ANPEP: variants seen among roughly 807,000 people sequenced by gnomAD.
ANPEP encodes the protein alanyl aminopeptidase, membrane.
Under a neutral mutation model 114.6 loss-of-function variants are expected in ANPEP, and 70 were observed. The observed-to-expected ratio is 0.61, with a 90% CI of 0.50 to 0.75. The LOEUF (loss-of-function observed/expected upper bound fraction) is 0.75, where lower values mean the gene tolerates loss of function less well. Among genes scored for constraint, ANPEP ranks in the 30% least tolerant of loss-of-function variants. The pLI is 0.00. For synonymous variants in ANPEP, 548 were observed against 522.3 expected, an observed-to-expected ratio of 1.05 and a Z score of -0.67; for missense variants, 1,184 against 1,259.5, an observed-to-expected ratio of 0.94 and a Z score of 0.91.
chr15:89,785,324 G>A lies in ANPEP; in HGVS notation c.*25C>T. Reference sequence around the variant, plus strand: ...ACACATGTGGGCACCTTGCATGGGGGCCGGGTGACTTCAAGGGCTGGGGAC... The same window carrying A: ...ACACATGTGGGCACCTTGCATGGGGACCGGGTGACTTCAAGGGCTGGGGAC... On this transcript the variant is annotated 3_prime_UTR_variant, in exon 21 of 21. Coordinates refer to ENST00000300060, the MANE Select transcript of ANPEP (RefSeq NM_001150.3). The A allele has an allele frequency of 6.2e-7, 1 of 1,613,862 alleles. No individual in the cohort carries two copies.
chr15:89,795,227 C>A (rs1216903262), intron 15 of ANPEP, among the ~76,000 whole-genome samples: 1 of 151,654 alleles, frequency 6.6e-6, no homozygotes, highest in Non-Finnish European at 1.5e-5. Context: ...GAAATGAAAA[C>A]AATTTCTAGG....
chr15:89,798,445 T>G (rs1968770653), intron 14 of ANPEP, among the ~76,000 whole-genome samples: 2 of 152,122 alleles, frequency 1.3e-5, no homozygotes, highest in Admixed American at 6.5e-5. Flanking sequence ...GAGACCAGCC[T>G]GGTCAACATG....
chr15:89,804,457 T>C (rs375272333), intron 5 of ANPEP, 34 bp downstream of exon 5: 2 of 1,614,076 alleles, frequency 1.2e-6, no homozygotes, highest in Non-Finnish European at 1.7e-6. Context: ...TGGAGCTCCA[T>C]CCACTGCCTC....
chr15:89,804,689 G>A (rs41276920), intron 4 of ANPEP, 72 bp from the exon 5 acceptor site: 116,740 of 1,569,160 alleles, frequency 0.074, 4,854 homozygotes, highest in Non-Finnish European at 0.084. Context: ...GGGTCCCAGG[G>A]CCCAGTGGGC....
At chr15:89,804,457 T>A in intron 5 of ANPEP, 34 bp downstream of exon 5, 1 of 1,614,076 alleles carries the variant, frequency 6.2e-7, no homozygotes, top group Middle Eastern at 1.6e-4. Flanking sequence ...TGGAGCTCCA[T>A]CCACTGCCTC....
At position 89,792,278 on chromosome 15, in the gene ANPEP, C is replaced by T. The variant is rs1234954065; in HGVS notation, c.2410G>A (p.Gly804Ser). 2 of 1,614,138 alleles carry T rather than the reference C, an allele frequency of 1.2e-6. No individual in the cohort carries two copies. Among genetic ancestry groups the T allele is most frequent in the Non-Finnish European group, 1.7e-6 (2 of 1,180,060 alleles). Residue 804 changes from glycine to serine, a missense_variant, in exon 18 of 21, where the codon GGC (glycine) becomes AGC (serine). Coordinates refer to ENST00000300060, the MANE Select transcript of ANPEP (RefSeq NM_001150.3). ...STVYCNAIAQ[G>S]GEEEWDFAWE... Reference sequence around the variant, plus strand: ...GCGAAGTCCCACTCCTCCTCCCCGCCCTGGGCGATAGCGTTGCAGTAGACG... The same window carrying T: ...GCGAAGTCCCACTCCTCCTCCCCGCTCTGGGCGATAGCGTTGCAGTAGACG...
Position 89,806,240 on chromosome 15 carries a change from T to A in ANPEP, c.344A>T (p.Glu115Val), listed in dbSNP as rs753592472. The change falls in exon 2 of 21, where the codon GAG (glutamate) becomes GTG (valine). Residue 115 changes from glutamate to valine, a missense_variant. Transcript: ENST00000300060. This position sits in a 1 kb window ranked among gnomAD's most constrained non-coding sequence, Gnocchi z 5.7. ...GTGGATGATGATGACGTCAGTGGCCTCCTTGCAGGTGAAACGGACGGTGCT... is the reference window on the plus strand; with the variant it reads ...GTGGATGATGATGACGTCAGTGGCCACCTTGCAGGTGAAACGGACGGTGCT... The part of the protein sequence containing the change: ...GSSTVRFTCK[E>V]ATDVIIIHSK... 2 of 1,614,110 alleles carry A rather than the reference T, an allele frequency of 1.2e-6. No homozygotes were observed. The highest frequency in any genetic ancestry group is 1.7e-6 in the Non-Finnish European group (2 of 1,179,990).
rs1555442942 is a variant in ANPEP, at chr15:89,813,993, G to GGGGA, written c.-224+778_-224+779insTCCC. 9.4e-5 allele frequency among the ~76,000 whole-genome samples: 13 copies of GGGGA among 137,678 alleles called. 1 individual carries two copies. The highest frequency in any genetic ancestry group is 3.4e-4 in the African/African-American group (13 of 37,886). The allele number at this position is 137,678 out of a possible 152,430, so 90.3% of individuals were successfully genotyped here. A position where few individuals can be genotyped will look rare whatever the true frequency, so the allele number is the denominator to read the frequency against. ...GCCGTCCCTGCCCACCGCACTGCTG[G>GGGGA]GGGGGGGGGGTGCGTTCTGGAGTCA... On this transcript the variant is annotated intron_variant, in intron 1 of 20. Transcript: ENST00000300060.
intron 14 of ANPEP, among the ~76,000 whole-genome samples, chr15:89,798,769 A>G (rs561468448): frequency 6.6e-6 from 1 of 152,068 alleles, no homozygotes; most frequent in Admixed American, 6.5e-5. Context: ...GTGAAACCCC[A>G]TCTCTACTAA....
intron 17 of ANPEP, 48 bp from the exon 18 acceptor site, chr15:89,792,375 G>A (rs1044768884): frequency 1.2e-6 from 2 of 1,612,560 alleles, no homozygotes; most frequent in African/African-American, 2.7e-5. Flanking sequence ...CGGGGAGGGT[G>A]GGACAGGGTT....
intron 20 of ANPEP, 77 bp downstream of exon 20, chr15:89,790,383 C>T (rs1410139605): frequency 7.9e-6 from 11 of 1,385,666 alleles, no homozygotes; most frequent in African/African-American, 2.9e-5. Context: ...CTCAGGGCCA[C>T]GTGGGAGAAG....
At position 89,804,011 on chromosome 15, in the gene ANPEP, G is replaced by T; in HGVS notation, c.1180-9C>A. The T allele has an allele frequency of 5.0e-6, 8 of 1,613,490 alleles. No individual in the cohort carries two copies. The highest frequency in any genetic ancestry group is 6.8e-6 in the Non-Finnish European group (8 of 1,179,526). The stretch of plus-strand genomic sequence containing the variant: ...ACCAGGTTCCCGAACCACTGTGGGG[G>T]GAGGGGTCAGCTGGGCAAGCCACGC... On this transcript the variant is annotated splice_polypyrimidine_tract_variant and intron_variant, in intron 6 of 20. Coordinates refer to ENST00000300060, the MANE Select transcript of ANPEP (RefSeq NM_001150.3).
At position 89,804,341 on chromosome 15, in the gene ANPEP, T is replaced by G. The variant is rs1451899546; in HGVS notation, c.1091A>C (p.Glu364Ala). The G allele has an allele frequency of 3.1e-6, 5 of 1,614,162 alleles. No homozygotes were observed. In the South Asian group the frequency reaches 5.5e-5, roughly 18 times the overall value. ...MENWGLVTYRENSLLFDPLSS... is the reference protein window; with the variant it reads ...MENWGLVTYRANSLLFDPLSS... ...CAGGGGGTCGAACAGCAGGGAGTTC[T>G]CCCGGTAGGTCACCAGTCCCCAGTT... is the stretch of plus-strand genomic sequence containing the variant. Residue 364 changes from glutamate to alanine, a missense_variant, in exon 6 of 21, where the codon GAG (glutamate) becomes GCG (alanine). By Grantham distance (107) the Glu-to-Ala change is moderately radical. Transcript: ENST00000300060.
At position 89,803,342 on chromosome 15, in the gene ANPEP, G is replaced by GC. The variant is rs1894633819; in HGVS notation, c.1504-39dup. ...GGGGCACAGTGAGAGCACAGCTGGA[G>GC]CCCCCCAGGCTCCCCCTCTGTGGTG... On this transcript the variant is annotated intron_variant, in intron 9 of 20. Transcript: ENST00000300060. This position sits in a 1 kb window ranked among gnomAD's most constrained non-coding sequence, Gnocchi z 4.2. The GC allele has an allele frequency of 4.3e-6, 7 of 1,613,682 alleles. No individual in the cohort carries two copies. Among genetic ancestry groups the GC allele is most frequent in the South Asian group, 2.2e-5 (2 of 91,080 alleles).
In ANPEP at chr15:89,803,378, C is replaced by T. The variant is rs554755969; in HGVS notation, c.1503+64G>A. On this transcript the variant is annotated intron_variant, in intron 9 of 20. Transcript: ENST00000300060. The surrounding 1 kb of genome is among the most constrained non-coding windows in gnomAD (Gnocchi z 4.2). ...TCCCCCTCTGTGGTGGGCAGAGGCCCGGGTCAAGGGCGAGGGGCAGAAGGA... is the reference window on the plus strand; with the variant it reads ...TCCCCCTCTGTGGTGGGCAGAGGCCTGGGTCAAGGGCGAGGGGCAGAAGGA... 85 of 1,613,356 alleles carry T rather than the reference C, an allele frequency of 5.3e-5. No individual in the cohort carries two copies. The East Asian group carries it at 8.2e-4, about 16-fold the overall frequency.
Position 89,801,571 on chromosome 15 carries a change from C to T in ANPEP, c.1606G>A (p.Val536Met), listed in dbSNP as rs760857085. ...GTCCAGCGGTTCATGATGTCCCGCA[C>T]GGTGGTGGGGAGTTGGATGGACCGG... ...NNRSIQLPTT[V>M]RDIMNRWTLQ... Residue 536 changes from valine (V) to methionine (M), a missense_variant, in exon 11 of 21, where the codon GTG (valine) becomes ATG (methionine). Physicochemically the swap from Val to Met is conservative, Grantham distance 21. Coordinates refer to ENST00000300060, the MANE Select transcript of ANPEP (RefSeq NM_001150.3). 7 of 1,614,006 alleles carry T rather than the reference C, an allele frequency of 4.3e-6. No individual in the cohort carries two copies. Among genetic ancestry groups the T allele is most frequent in the East Asian group, 4.5e-5 (2 of 44,876 alleles).
At chr15:89,801,037 C>T (rs753345341) in intron 12 of ANPEP, 74 bp downstream of exon 12, 22 of 1,336,406 alleles carry the variant, frequency 1.6e-5, no homozygotes, top group East Asian at 2.3e-5. Context: ...TGGCCCATCA[C>T]AGCCCTCAGA....
chr15:89,785,367 G>T lies in ANPEP; in HGVS notation c.2886C>A (p.Phe962Leu). Residue 962 changes from phenylalanine to leucine, a missense_variant, in exon 21 of 21, where the codon TTC (phenylalanine) becomes TTA (leucine). Coordinates refer to ENST00000300060, the MANE Select transcript of ANPEP (RefSeq NM_001150.3). Reference sequence around the variant, plus strand: ...CTGGGGACTATTTGCTGTTTTCTGTGAACCACTGGAGCACCACCTCCTTGT... The same window carrying T: ...CTGGGGACTATTTGCTGTTTTCTGTTAACCACTGGAGCACCACCTCCTTGT... ...KENKEVVLQW[F>L]TENSK The T allele has an allele frequency of 6.2e-7, 1 of 1,614,216 alleles. No homozygotes were observed. Among genetic ancestry groups the T allele is most frequent in the Non-Finnish European group, 8.5e-7 (1 of 1,180,026 alleles).
Position 89,804,404 on chromosome 15 carries a change from T to C in ANPEP, c.1028A>G (p.Gln343Arg). 1.2e-6 allele frequency: 2 copies of C among 1,614,230 alleles called. No homozygotes were observed. Among genetic ancestry groups the C allele is most frequent in the Non-Finnish European group, 1.7e-6 (2 of 1,180,022 alleles). ...GGCGTTGAAGTCTGGCAGGCCAATCTGGTCTGGGGAGGCGATGCCATTGGC... is the reference window on the plus strand; with the variant it reads ...GGCGTTGAAGTCTGGCAGGCCAATCCGGTCTGGGGAGGCGATGCCATTGGC... ...DTPYPLPKSDQIGLPDFNAGA... is the reference protein window; with the variant it reads ...DTPYPLPKSDRIGLPDFNAGA... The change falls in exon 6 of 21, where the codon CAG becomes CGG. Residue 343 changes from glutamine (Q) to arginine (R), a missense_variant. Coordinates refer to ENST00000300060, the MANE Select transcript of ANPEP (RefSeq NM_001150.3).
Sources: allele counts gnomAD v4.1 joint callset (sites outside exome capture counted in the v4.1 genomes callset), GRCh38; gene constraint gnomAD v4.1.1; non-coding constraint Gnocchi (gnomAD v3.1); transcripts MANE v1.5; gene names NCBI Gene and HGNC (gene_info 2026-07-23, HGNC 2026-07-21).